BMPR2: variants seen among roughly 807,000 people sequenced by gnomAD.
The protein encoded by BMPR2 is bone morphogenetic protein receptor type-2.
BMPR2 carries 29 observed loss-of-function variants against 100.8 expected under a neutral mutation model. The ratio of observed to expected loss-of-function variants is 0.29; its 90% confidence interval spans 0.21 to 0.39. The LOEUF (loss-of-function observed/expected upper bound fraction) is 0.39. Among genes scored for constraint, BMPR2 ranks in the 10% least tolerant of loss-of-function variants. BMPR2 has a pLI of 1.00. For missense variants in BMPR2, 1,011 were observed against 1,274.5 expected, an observed-to-expected ratio of 0.79 and a Z score of 3.15; for synonymous variants, 382 against 442.3, an observed-to-expected ratio of 0.86 and a Z score of 1.71.
chr2:202,549,908 T>G (rs2106038977), intron 10 of BMPR2, among the ~76,000 whole-genome samples: 1 of 152,186 alleles, frequency 6.6e-6, no homozygotes, highest in South Asian at 2.1e-4. Flanking sequence ...CATTCTTTTT[T>G]GGGGGTGGTG....
At position 202,499,589 on chromosome 2, in the gene BMPR2, G is replaced by A. The variant is rs1001994983; in HGVS notation, c.419-14130G>A. 9.2e-5 allele frequency among the ~76,000 whole-genome samples: 14 copies of A among 152,222 alleles called. No individual in the cohort carries two copies. In the East Asian group the frequency reaches 1.5e-3, roughly 17 times the overall value. Reference sequence around the variant, plus strand: ...GGAAGAAAATCCTTCTGCCTTCCTCGAGCGGCTACGAGAGGCCTTAAGAAA... The same window carrying A: ...GGAAGAAAATCCTTCTGCCTTCCTCAAGCGGCTACGAGAGGCCTTAAGAAA... On this transcript the variant is annotated intron_variant, in intron 3 of 12. Coordinates refer to ENST00000374580, the MANE Select transcript of BMPR2 (RefSeq NM_001204.7).
intron 3 of BMPR2, among the ~76,000 whole-genome samples, chr2:202,508,446 A>G (rs928055333): frequency 1.5e-4 from 23 of 152,250 alleles, no homozygotes; most frequent in African/African-American, 5.1e-4. Flanking sequence ...TAATTTTACA[A>G]TGCCACAAAT....
intron 10 of BMPR2, among the ~76,000 whole-genome samples, chr2:202,544,000 C>G (rs1688328973): frequency 6.6e-6 from 1 of 151,928 alleles, no homozygotes; most frequent in Non-Finnish European, 1.5e-5. Context: ...GACCCTGTCT[C>G]TTTAAAAAAA....
At chr2:202,413,956 G>A (rs970208315) in intron 1 of BMPR2, among the ~76,000 whole-genome samples, 1 of 152,104 alleles carries the variant, frequency 6.6e-6, no homozygotes, top group Non-Finnish European at 1.5e-5. Context: ...GAGCCACCAC[G>A]CCCAACCTTA....
At chr2:202,380,307 G>A (rs756745800) in intron 1 of BMPR2, among the ~76,000 whole-genome samples, 2 of 152,014 alleles carry the variant, frequency 1.3e-5, no homozygotes, top group African/African-American at 4.8e-5. Context: ...TCTGTAATGC[G>A]TTTTAAATAA....
At chr2:202,507,190 C>T (rs1165161485) in intron 3 of BMPR2, among the ~76,000 whole-genome samples, 1 of 152,080 alleles carries the variant, frequency 6.6e-6, no homozygotes, top group South Asian at 2.1e-4. Context: ...AGCCTTGGGT[C>T]TCTTCACTCT....
chr2:202,563,781 GT>G lies in BMPR2; in HGVS notation c.*3836del, dbSNP rs1688712967. ...TTGGGGGAATTAACAAAGAATTTCA[GT>G]CTCATCAATCCTTTGAATCCATCTT... On this transcript the variant is annotated 3_prime_UTR_variant, in exon 13 of 13. Transcript: ENST00000374580. The G allele has an allele frequency of 6.6e-6, 1 of 152,146 alleles. No homozygotes were observed. The highest frequency in any genetic ancestry group is 1.5e-5 in the Non-Finnish European group (1 of 68,034). The allele number at this position is 152,146 out of a possible 1,614,324, so 9.4% of individuals were successfully genotyped here.
chr2:202,485,067 T>C (rs1692746192), intron 3 of BMPR2, among the ~76,000 whole-genome samples: 1 of 149,694 alleles, frequency 6.7e-6, no homozygotes, highest in East Asian at 2.0e-4. Flanking sequence ...GCTCAAGCAA[T>C]CCTCCCGACT....
chr2:202,422,127 T>C (rs967083173), intron 1 of BMPR2, among the ~76,000 whole-genome samples: 5 of 152,152 alleles, frequency 3.3e-5, no homozygotes, highest in Admixed American at 6.5e-5. Flanking sequence ...CAGGCTGGTC[T>C]CGATCTCCTG....
chr2:202,519,540 TCTC>T (rs1687784073), intron 6 of BMPR2, among the ~76,000 whole-genome samples: 2 of 152,274 alleles, frequency 1.3e-5, no homozygotes, highest in Non-Finnish European at 1.5e-5. Flanking sequence ...TGTTTCGCTG[TCTC>T]CTCCTTCTTT....
intron 1 of BMPR2, among the ~76,000 whole-genome samples, chr2:202,390,426 A>G (rs1456064607): frequency 6.7e-6 from 1 of 148,896 alleles, no homozygotes; most frequent in Non-Finnish European, 1.5e-5. Context: ...TCTGCCTCCC[A>G]GGTTCAAGCC....
rs1227413094 is a variant in BMPR2, at chr2:202,503,287, TGA to T, written c.419-10430_419-10429del. On this transcript the variant is annotated intron_variant, in intron 3 of 12. Coordinates refer to ENST00000374580, the MANE Select transcript of BMPR2 (RefSeq NM_001204.7). The surrounding 1 kb of genome is among the most constrained non-coding windows in gnomAD (Gnocchi z 4.0). ...CCTGGGCTCCCACTTTGGCGGCACT[TGA>T]GGAGCCCTTCAGCCCACCACTGCAT... Among the ~76,000 whole-genome samples, 1 of 152,206 alleles carries T rather than the reference TGA, an allele frequency of 6.6e-6. No homozygotes were observed. Among genetic ancestry groups the T allele is most frequent in the African/African-American group, 2.4e-5 (1 of 41,466 alleles).
chr2:202,425,140 T>A (rs6435152), intron 1 of BMPR2, among the ~76,000 whole-genome samples: 1 of 151,972 alleles, frequency 6.6e-6, no homozygotes, highest in African/African-American at 2.4e-5. Context: ...TCTCGAACTC[T>A]TGACCTCAGG....
chr2:202,377,688 C>T (rs867976247), intron 1 of BMPR2, 138 bp downstream of exon 1: 1 of 957,064 alleles, frequency 1.0e-6, no homozygotes, highest in Non-Finnish European at 1.6e-6. Context: ...CGACCCGGTG[C>T]CTGCGCGCCT....
intron 3 of BMPR2, among the ~76,000 whole-genome samples, chr2:202,469,799 TTAC>T (rs1232031150): frequency 6.6e-6 from 1 of 152,088 alleles, no homozygotes; most frequent in Non-Finnish European, 1.5e-5. Flanking sequence ...GTATTTCATA[TTAC>T]TATAATAACT....
intron 3 of BMPR2, among the ~76,000 whole-genome samples, chr2:202,504,678 CTTTTTT>C: frequency 8.9e-6 from 1 of 112,472 alleles, no homozygotes; most frequent in Admixed American, 9.6e-5. Flanking sequence ...ATAGTAGATT[CTTTTTT>C]TTTTTTTTTT....
chr2:202,474,434 C>T (rs1178966332), intron 3 of BMPR2, among the ~76,000 whole-genome samples: 1 of 152,112 alleles, frequency 6.6e-6, no homozygotes, highest in African/African-American at 2.4e-5. Flanking sequence ...GCACTCCAGC[C>T]TGGGCAACAG....
chr2:202,537,339 T>C (rs1343921975), intron 9 of BMPR2, among the ~76,000 whole-genome samples: 1 of 152,220 alleles, frequency 6.6e-6, no homozygotes, highest in East Asian at 1.9e-4. Flanking sequence ...ACAATATATT[T>C]TGAAAAACTA....
chr2:202,536,421 A>G (rs1022344374), intron 9 of BMPR2, among the ~76,000 whole-genome samples: 1 of 152,112 alleles, frequency 6.6e-6, no homozygotes, highest in Non-Finnish European at 1.5e-5. Context: ...GCCAAACATT[A>G]GTTTGTAATT....
Sources: allele counts gnomAD v4.1 joint callset (sites outside exome capture counted in the v4.1 genomes callset), GRCh38; gene constraint gnomAD v4.1.1; non-coding constraint Gnocchi (gnomAD v3.1); transcripts MANE v1.5; gene names NCBI Gene and HGNC (gene_info 2026-07-23, HGNC 2026-07-21).